The following DOCK1 variants were observed in gnomAD, a reference collection of about 807,000 sequenced individuals.
DOCK1 encodes the protein dedicator of cytokinesis protein 1.
Under a neutral mutation model 262.7 loss-of-function variants are expected in DOCK1, and 138 were observed. The observed-to-expected ratio is 0.53, with a 90% CI of 0.46 to 0.61. The LOEUF (loss-of-function observed/expected upper bound fraction) is 0.61. Among genes scored for constraint, DOCK1 ranks in the 20% least tolerant of loss-of-function variants. The pLI is 0.00. For synonymous variants in DOCK1, 866 were observed against 867.4 expected (o/e 1.00, Z 0.03); for missense variants, 1,908 against 2,370.7 (o/e 0.80, Z 4.05).
At chr10:127,404,602 T>G (rs1336582904) in intron 40 of DOCK1, among the ~76,000 whole-genome samples, 173 bp downstream of exon 40, 1 of 152,236 alleles carries the variant, frequency 6.6e-6, no homozygotes, top group African/African-American at 2.4e-5. Flanking sequence ...AGGATTTTAT[T>G]TGGTTGCATA....
chr10:127,195,254 G>GCCCGCGGGCTC (rs1170818171), intron 27 of DOCK1, among the ~76,000 whole-genome samples: 1 of 152,134 alleles, frequency 6.6e-6, no homozygotes, highest in Non-Finnish European at 1.5e-5. Flanking sequence ...ACCCCGGGCT[G>GCCCGCGGGCTC]CCCGCGGGCT....
At chr10:126,985,217 G>A (rs1591537070) in intron 4 of DOCK1, among the ~76,000 whole-genome samples, 4 of 151,968 alleles carry the variant, frequency 2.6e-5, no homozygotes, top group Admixed American at 6.6e-5. Context: ...CTGACCTCAC[G>A]TGCTCTACCC....
intron 27 of DOCK1, among the ~76,000 whole-genome samples, chr10:127,134,924 C>T (rs1253311007): frequency 9.2e-5 from 14 of 152,060 alleles, no homozygotes; most frequent in Non-Finnish European, 1.8e-4. Context: ...AGGCTAGTGT[C>T]AGCAGGAGAG....
chr10:127,032,377 T>C, intron 18 of DOCK1, 57 bp downstream of exon 18: 2 of 1,450,496 alleles, frequency 1.4e-6, no homozygotes, highest in Non-Finnish European at 1.8e-6. Flanking sequence ...GTCCTGTCTT[T>C]TCCATGCTCC....
At chr10:127,010,930 TCAAAAACAAAAA>T (rs10634495) in intron 11 of DOCK1, among the ~76,000 whole-genome samples, 2 of 151,888 alleles carry the variant, frequency 1.3e-5, no homozygotes, top group African/African-American at 2.4e-5. Flanking sequence ...CTGTGAAAAG[TCAAAAACAAAAA>T]CAAAAACAAA....
chr10:127,444,380 C>T, intron 50 of DOCK1, 101 bp downstream of exon 50: 5 of 1,383,296 alleles, frequency 3.6e-6, no homozygotes, highest in South Asian at 1.5e-5. Context: ...CCCCTTGCAG[C>T]AGAGGGTGGG....
intron 26 of DOCK1, among the ~76,000 whole-genome samples, chr10:127,126,601 C>T (rs1271634764): frequency 6.6e-6 from 1 of 152,140 alleles, no homozygotes; most frequent in African/African-American, 2.4e-5. Flanking sequence ...CAAGTTTGTG[C>T]CAGCACATAT....
rs781254459 is a variant in DOCK1 at position 126,999,341 on chromosome 10, T to G, written c.768-13T>G. Reference sequence around the variant, plus strand: ...TGGAAAATTAACTTGCTTTTATTTCTCCATTTTTCAAGTGAGAACTACCTG... The same window carrying G: ...TGGAAAATTAACTTGCTTTTATTTCGCCATTTTTCAAGTGAGAACTACCTG... On this transcript the variant is annotated splice_polypyrimidine_tract_variant and intron_variant, in intron 8 of 51. Coordinates refer to ENST00000623213, the MANE Select transcript of DOCK1 (RefSeq NM_001290223.2). 6.2e-7 allele frequency: 1 copy of G among 1,609,110 alleles called. No individual in the cohort carries two copies. Among genetic ancestry groups the G allele is most frequent in the East Asian group, 2.2e-5 (1 of 44,850 alleles).
At chr10:127,052,836 T>C (rs2044831846) in intron 22 of DOCK1, 21 bp downstream of exon 22, 1 of 1,598,004 alleles carries the variant, frequency 6.3e-7, no homozygotes, top group Non-Finnish European at 8.5e-7. Context: ...ATCCCCTCCA[T>C]GCCCGGGCTC....
chr10:127,341,696 T>C (rs912625120), intron 30 of DOCK1, among the ~76,000 whole-genome samples: 4 of 152,328 alleles, frequency 2.6e-5, no homozygotes, highest in Non-Finnish European at 5.9e-5. Flanking sequence ...TCCCTGGCTT[T>C]CGTCCTGTTT....
chr10:127,240,665 C>T (rs1370936601), intron 27 of DOCK1, among the ~76,000 whole-genome samples: 3 of 152,158 alleles, frequency 2.0e-5, no homozygotes, highest in Admixed American at 6.5e-5. Context: ...TTTACAACAT[C>T]GTTCTTTCTA....
chr10:126,933,960 A>G (rs1267759628), intron 1 of DOCK1, among the ~76,000 whole-genome samples: 1 of 151,960 alleles, frequency 6.6e-6, no homozygotes, highest in Non-Finnish European at 1.5e-5. Context: ...GATCACAGTC[A>G]CCCACCACCA....
intron 23 of DOCK1, 143 bp downstream of exon 23, chr10:127,061,919 A>G (rs2045555659): frequency 4.1e-6 from 2 of 482,612 alleles, no homozygotes; most frequent in South Asian, 2.8e-5. Flanking sequence ...ATTTGATTTC[A>G]AGAGCTGTGC....
chr10:127,007,187 G>C (rs2041096820), intron 10 of DOCK1, among the ~76,000 whole-genome samples: 1 of 152,098 alleles, frequency 6.6e-6, no homozygotes, highest in Non-Finnish European at 1.5e-5. Context: ...CTGGCTCTTT[G>C]AGGCCCCTTG....
rs745443698 is a variant in DOCK1, at chr10:127,176,199, G to C, written c.2847+48435G>C. 6.2e-7 allele frequency: 1 copy of C among 1,614,086 alleles called. No homozygotes were observed. Among genetic ancestry groups the C allele is most frequent in the Non-Finnish European group, 8.5e-7 (1 of 1,180,022 alleles). ...CTCCCGCTTCTCCCCCAGCTGGCCC[G>C]AGGACAGCTGTGTGTCCCTCTGCTC... On this transcript the variant is annotated intron_variant, in intron 27 of 51. Transcript: ENST00000623213. The surrounding 1 kb of genome is among the most constrained non-coding windows in gnomAD (Gnocchi z 4.4).
At chr10:127,246,169 T>G (rs1181977950) in intron 27 of DOCK1, among the ~76,000 whole-genome samples, 1 of 152,156 alleles carries the variant, frequency 6.6e-6, no homozygotes, top group African/African-American at 2.4e-5. Flanking sequence ...GAGGAAGAGT[T>G]AAAATGTGCA....
intron 47 of DOCK1, among the ~76,000 whole-genome samples, chr10:127,431,803 T>C (rs1308271266): frequency 1.3e-5 from 2 of 152,162 alleles, no homozygotes; most frequent in Non-Finnish European, 2.9e-5. Flanking sequence ...AGAGACCATA[T>C]GTCCTGCAAG....
At chr10:126,975,669 G>A (rs2038475061) in intron 2 of DOCK1, among the ~76,000 whole-genome samples, 2 of 148,726 alleles carry the variant, frequency 1.3e-5, no homozygotes, top group African/African-American at 5.0e-5. Flanking sequence ...CTATTGCCCA[G>A]GCTGGAGTGC....
intron 1 of DOCK1, among the ~76,000 whole-genome samples, chr10:126,948,431 G>T (rs1332587276): frequency 1.4e-5 from 2 of 147,776 alleles, no homozygotes; most frequent in Admixed American, 1.3e-4. Flanking sequence ...GGTGGTGGTG[G>T]TGGTAATACT....
Sources: allele counts gnomAD v4.1 joint callset (sites outside exome capture counted in the v4.1 genomes callset), GRCh38; gene constraint gnomAD v4.1.1; non-coding constraint Gnocchi (gnomAD v3.1); transcripts MANE v1.5; gene names NCBI Gene and HGNC (gene_info 2026-07-23, HGNC 2026-07-21).